The following IFI27L1 variants were observed in gnomAD, a reference collection of about 807,000 sequenced individuals.
IFI27L1 encodes the protein interferon alpha-inducible protein 27-like protein 1.
In IFI27L1, 3 loss-of-function variants were observed where a neutral mutation model predicts 9.2. The observed-to-expected ratio is 0.32, with a 90% CI of 0.15 to 0.84. IFI27L1 has a LOEUF of 0.84. Ranked by LOEUF, IFI27L1 falls within the 40% of genes least tolerant of loss-of-function variation. The pLI is 0.56. For synonymous variants in IFI27L1, 53 were observed against 50.0 expected (o/e 1.06, Z -0.26); for missense variants, 133 against 134.2 (o/e 0.99, Z 0.05).
chr14:94,089,410 A>G (rs1886394443), intron 1 of IFI27L1: 1 of 152,148 alleles, frequency 6.6e-6, no homozygotes, highest in Non-Finnish European at 1.5e-5. Flanking sequence ...TGATGTTGCC[A>G]TGGCGTTTAT....
At chr14:94,087,408 T>C (rs1405083618) in intron 1 of IFI27L1, among the ~76,000 whole-genome samples, 5 of 152,164 alleles carry the variant, frequency 3.3e-5, no homozygotes, top group Non-Finnish European at 5.9e-5. Context: ...TTTGGGTGTG[T>C]TTTTTGTTAT....
Position 94,102,645 on chromosome 14 carries a change from G to A in IFI27L1, c.*77G>A, listed in dbSNP as rs1186505628. ...GGCCTCTGGATGACAATCTTCCAAA[G>A]GACAAGTCTCCTACTCCCAAAACTA... On this transcript the variant is annotated 3_prime_UTR_variant, in exon 5 of 5. Transcript: ENST00000555523. 3.8e-6 allele frequency: 3 copies of A among 784,376 alleles called. No individual in the cohort carries two copies. Among genetic ancestry groups the A allele is most frequent in the Admixed American group, 5.4e-5 (2 of 37,032 alleles). 48.6% of individuals were successfully genotyped at this position (784,376 alleles called of 1,614,324 possible). A position where few individuals can be genotyped will look rare whatever the true frequency, so the allele number is the denominator to read the frequency against.
chr14:94,087,688 A>T (rs1194270644), intron 1 of IFI27L1, among the ~76,000 whole-genome samples: 1 of 150,256 alleles, frequency 6.7e-6, no homozygotes, highest in African/African-American at 2.4e-5. Flanking sequence ...GGCCTCCCAA[A>T]GTGCTGGGAT....
chr14:94,089,811 C>A (rs796854255), intron 1 of IFI27L1, among the ~76,000 whole-genome samples: 81 of 152,250 alleles, frequency 5.3e-4, no homozygotes, highest in African/African-American at 1.9e-3. Flanking sequence ...GTAATTTCTT[C>A]AGACTGAATA....
intron 2 of IFI27L1, among the ~76,000 whole-genome samples, chr14:94,098,540 C>T (rs1012551210): frequency 6.6e-6 from 1 of 152,180 alleles, no homozygotes; most frequent in Non-Finnish European, 1.5e-5. Flanking sequence ...TGTTAGGACT[C>T]GAACATATCT....
chr14:94,095,108 C>T (rs1886621970), intron 1 of IFI27L1, among the ~76,000 whole-genome samples: 1 of 152,134 alleles, frequency 6.6e-6, no homozygotes, highest in Non-Finnish European at 1.5e-5. Flanking sequence ...GATCACAGCT[C>T]ACTGCAGCCT....
intron 1 of IFI27L1, among the ~76,000 whole-genome samples, chr14:94,087,512 G>A (rs1044315485): frequency 1.4e-4 from 22 of 152,254 alleles, no homozygotes; most frequent in Admixed American, 1.1e-3. Flanking sequence ...TGCGAGCTCC[G>A]CCTCCCAGGC....
chr14:94,085,497 T>TTCATATAGTATAAATATGA (rs1227543283), intron 1 of IFI27L1, among the ~76,000 whole-genome samples: 4 of 152,174 alleles, frequency 2.6e-5, no homozygotes, highest in Admixed American at 2.6e-4. Context: ...ACACATACCT[T>TTCATATAGTATAAATATGA]TCATATAGTA....
rs79986739 is a variant in IFI27L1 at position 94,097,183 on chromosome 14, C to T, written c.28+218C>T. Among the ~76,000 whole-genome samples, 1,470 of 152,264 alleles carry T rather than the reference C, an allele frequency of 9.7e-3. 27 individuals are homozygous for T. Among genetic ancestry groups the T allele is most frequent in the African/African-American group, 0.033 (1,368 of 41,556 alleles). On this transcript the variant is annotated intron_variant, in intron 2 of 4. Coordinates refer to ENST00000555523, the MANE Select transcript of IFI27L1 (RefSeq NM_206949.3). ...GGGGCCACAGATGTACCCAGGAAGG[C>T]AAAGGAAGACAAAGGTTTTTAAAAG...
chr14:94,087,826 T>C (rs527337423), intron 1 of IFI27L1, among the ~76,000 whole-genome samples: 3 of 152,174 alleles, frequency 2.0e-5, no homozygotes, highest in Non-Finnish European at 4.4e-5. Context: ...TGTGCAGATA[T>C]TTGTGCACAT....
chr14:94,096,801 T>TATAGTCCC, intron 1 of IFI27L1, 86 bp from the exon 2 acceptor site: 1 of 654,490 alleles, frequency 1.5e-6, no homozygotes, highest in South Asian at 2.1e-5. Context: ...TTAATGTTTT[T>TATAGTCCC]ATAGTCCCAG....
At chr14:94,084,163 CAG>C (rs1344178911) in intron 1 of IFI27L1, among the ~76,000 whole-genome samples, 1 of 151,992 alleles carries the variant, frequency 6.6e-6, no homozygotes, top group African/African-American at 2.4e-5. Context: ...ATTAATTTGC[CAG>C]AGTCATACAG....
chr14:94,097,766 T>G (rs1886726982), intron 2 of IFI27L1: 1 of 694,690 alleles, frequency 1.4e-6, no homozygotes, highest in African/African-American at 1.8e-5. Context: ...CCTGAGCTAC[T>G]GAGAGAACGG....
At chr14:94,092,154 A>C (rs1886502054) in intron 1 of IFI27L1, among the ~76,000 whole-genome samples, 1 of 151,720 alleles carries the variant, frequency 6.6e-6, no homozygotes, top group South Asian at 2.1e-4. Context: ...AAAGAAAGAA[A>C]ATCTTAAGAG....
At chr14:94,096,856 A>G (rs1195234207) in intron 1 of IFI27L1, 31 bp from the exon 2 acceptor site, 2 of 1,279,904 alleles carry the variant, frequency 1.6e-6, no homozygotes, top group Non-Finnish European at 2.3e-6. Context: ...TTCAAACCAG[A>G]TCCTGAATAA....
At chr14:94,098,574 G>A (rs947798782) in intron 2 of IFI27L1, among the ~76,000 whole-genome samples, 3 of 151,740 alleles carry the variant, frequency 2.0e-5, no homozygotes, top group Admixed American at 1.3e-4. Context: ...AATTCAACCC[G>A]CAACAAAGAC....
intron 1 of IFI27L1, among the ~76,000 whole-genome samples, chr14:94,084,466 C>A (rs535162322): frequency 6.6e-6 from 1 of 152,048 alleles, no homozygotes; most frequent in African/African-American, 2.4e-5. Context: ...CATGCTGCTG[C>A]GGGATAATTA....
At chr14:94,087,282 G>T (rs570571069) in intron 1 of IFI27L1, among the ~76,000 whole-genome samples, 1 of 152,206 alleles carries the variant, frequency 6.6e-6, no homozygotes. Flanking sequence ...TTTGTGTAAG[G>T]TTGTGATGGC....
rs146577208 is a variant in IFI27L1 at position 94,083,211 on chromosome 14, C to T, written c.-52+1762C>T. Among the ~76,000 whole-genome samples, 750 of 152,234 alleles carry T rather than the reference C, an allele frequency of 4.9e-3. 4 individuals carry two copies. Among genetic ancestry groups the T allele is most frequent in the African/African-American group, 0.016 (680 of 41,532 alleles). On this transcript the variant is annotated intron_variant, in intron 1 of 4. Coordinates refer to ENST00000555523, the MANE Select transcript of IFI27L1 (RefSeq NM_206949.3). Reference sequence around the variant, plus strand: ...ATAGCAAGAAAACTAAAATTACAAGCGGAGCCTGAAGATATGACTGAATTG... The same window carrying T: ...ATAGCAAGAAAACTAAAATTACAAGTGGAGCCTGAAGATATGACTGAATTG...
Sources: allele counts gnomAD v4.1 joint callset (sites outside exome capture counted in the v4.1 genomes callset), GRCh38; gene constraint gnomAD v4.1.1; transcripts MANE v1.5; gene names NCBI Gene and HGNC (gene_info 2026-07-23, HGNC 2026-07-21).